The following S100P variants were observed in gnomAD, a reference collection of about 807,000 sequenced individuals.
S100P encodes the protein protein S100-P.
In S100P, 7 loss-of-function variants were observed where a neutral mutation model predicts 4.7. The ratio of observed to expected loss-of-function variants is 1.48; its 90% CI spans 0.84 to 2.77. The LOEUF (loss-of-function observed/expected upper bound fraction) is 2.77, where lower values mean the gene tolerates loss of function less well. Ranked by LOEUF, S100P falls within the 30% of genes most tolerant of loss-of-function variation. The pLI is 0.00. For synonymous variants in S100P, 48 were observed against 49.0 expected, an observed-to-expected ratio of 0.98 and a Z score of 0.08; for missense variants, 122 against 120.6, an observed-to-expected ratio of 1.01 and a Z score of -0.06.
chr4:6,696,417 T>C (rs1354496466), intron 1 of S100P, among the ~76,000 whole-genome samples: 2 of 152,184 alleles, frequency 1.3e-5, no homozygotes, highest in African/African-American at 4.8e-5. Context: ...ATCATCTTCA[T>C]CTGTAACAGG....
chr4:6,694,966 T>C (rs977115042), intron 1 of S100P, among the ~76,000 whole-genome samples: 4 of 135,750 alleles, frequency 2.9e-5, no homozygotes, highest in Admixed American at 1.5e-4. Context: ...TCTTTTCTTT[T>C]CTTTTTTTTT....
rs1401277336 is a variant in S100P at position 6,694,467 on chromosome 4, G to A, written c.138+397G>A. On this transcript the variant is annotated intron_variant, in intron 1 of 1. Coordinates refer to ENST00000296370, the MANE Select transcript of S100P (RefSeq NM_005980.3). The stretch of plus-strand genomic sequence containing the variant: ...CTCGGGGCTGTCCTCCAAGGCTGCC[G>A]GCCATAAACGCCCCAGCTCTGCCTC... 2.6e-5 allele frequency among the ~76,000 whole-genome samples: 4 copies of A among 152,188 alleles called. No homozygotes were observed. The East Asian group carries it at 5.8e-4, about 22-fold the overall frequency.
In S100P at chr4:6,693,943, T is replaced by C. The variant is rs1167297452; in HGVS notation, c.11T>C (p.Leu4Pro). MTE[L>P]ETAMGMIIDV... is the part of the protein sequence containing the mutation. ...TCTGAATCTAGCACCATGACGGAAC[T>C]AGAGACAGCCATGGGCATGATCATA... Residue 4 changes from leucine to proline, a missense_variant, in exon 1 of 2, where the codon CTA (leucine) becomes CCA (proline). By Grantham distance (98) the Leu-to-Pro change is moderately conservative. Coordinates refer to ENST00000296370, the MANE Select transcript of S100P (RefSeq NM_005980.3). 1.2e-6 allele frequency: 2 copies of C among 1,614,144 alleles called. No homozygotes were observed. Among genetic ancestry groups the C allele is most frequent in the Admixed American group, 3.3e-5 (2 of 60,024 alleles).
chr4:6,696,618 A>G (rs1714377374), intron 1 of S100P, among the ~76,000 whole-genome samples: 1 of 152,268 alleles, frequency 6.6e-6, no homozygotes, highest in Admixed American at 6.5e-5. Context: ...CCCCCGGCAA[A>G]AACTCAAAAT....
intron 1 of S100P, among the ~76,000 whole-genome samples, chr4:6,695,149 A>G (rs1167067266): frequency 6.6e-6 from 1 of 151,700 alleles, no homozygotes; most frequent in African/African-American, 2.4e-5. Context: ...TATTTTTTTT[A>G]GAGACAAGGT....
Position 6,694,050 on chromosome 4 carries a change from G to C in S100P, c.118G>C (p.Glu40Gln), listed in dbSNP as rs768130751. The C allele has an allele frequency of 1.9e-5, 31 of 1,612,346 alleles. No individual in the cohort carries two copies. Among genetic ancestry groups the C allele is most frequent in the South Asian group, 1.1e-5 (1 of 90,996 alleles). Residue 40 changes from glutamate (E) to glutamine (Q), a missense_variant, in exon 1 of 2, where the codon GAG (glutamate) becomes CAG (glutamine). Transcript: ENST00000296370. Reference protein sequence around the residue: ...KGELKVLMEKELPGFLQSGKD... With the variant: ...KGELKVLMEKQLPGFLQSGKD... ...GGAGCTCAAGGTGCTGATGGAGAAG[G>C]AGCTACCAGGCTTCCTGCAGGTGAG... is the stretch of plus-strand genomic sequence containing the variant.
intron 1 of S100P, among the ~76,000 whole-genome samples, chr4:6,695,843 C>T (rs1046601991): frequency 6.6e-6 from 1 of 152,356 alleles, no homozygotes; most frequent in Non-Finnish European, 1.5e-5. Context: ...CTATCTGCTC[C>T]GTGCCCAACC....
chr4:6,694,696 C>T (rs970611351), intron 1 of S100P, among the ~76,000 whole-genome samples: 2 of 152,204 alleles, frequency 1.3e-5, no homozygotes, highest in Non-Finnish European at 1.5e-5. Flanking sequence ...AGCTTCCTTC[C>T]GCCCGGGGCA....
At chr4:6,696,095 C>T (rs3822260) in intron 1 of S100P, among the ~76,000 whole-genome samples, 39,028 of 152,138 alleles carry the variant, frequency 0.26, 5,480 homozygotes, top group East Asian at 0.61. Flanking sequence ...AATTGTGTTT[C>T]TTTCCACCTG....
At chr4:6,696,763 G>A (rs1714380571) in intron 1 of S100P, 130 bp from the exon 2 acceptor site, 3 of 179,934 alleles carry the variant, frequency 1.7e-5, no homozygotes, top group East Asian at 1.5e-4. Flanking sequence ...ATGCACAGCT[G>A]GCCCTGGCCC....
Position 6,696,880 on chromosome 4 carries a change from C to G in S100P, c.139-13C>G. On this transcript the variant is annotated splice_polypyrimidine_tract_variant and intron_variant, in intron 1 of 1. Transcript: ENST00000296370. Reference sequence around the variant, plus strand: ...CACCCTCACTGCTGACCTTGAGCCTCTCTCTCCTCTAGAGTGGAAAAGACA... The same window carrying G: ...CACCCTCACTGCTGACCTTGAGCCTGTCTCTCCTCTAGAGTGGAAAAGACA... 6.2e-7 allele frequency: 1 copy of G among 1,609,232 alleles called. No homozygotes were observed. Among genetic ancestry groups the G allele is most frequent in the South Asian group, 1.1e-5 (1 of 90,654 alleles).
At chr4:6,696,320 T>C (rs1007230386) in intron 1 of S100P, among the ~76,000 whole-genome samples, 1 of 152,160 alleles carries the variant, frequency 6.6e-6, no homozygotes, top group Admixed American at 6.5e-5. Flanking sequence ...GCTTGCTCCA[T>C]GCTCGCTCCA....
At position 6,693,999 on chromosome 4, in the gene S100P, G is replaced by C. The variant is rs1464500955; in HGVS notation, c.67G>C (p.Gly23Arg). 6.2e-7 allele frequency: 1 copy of C among 1,614,110 alleles called. No individual in the cohort carries two copies. Among genetic ancestry groups the C allele is most frequent in the East Asian group, 2.2e-5 (1 of 44,880 alleles). ...DVFSRYSGSE[G>R]STQTLTKGEL... ...CTTTTCCCGATATTCGGGCAGCGAG[G>C]GCAGCACGCAGACCCTGACCAAGGG... The change falls in exon 1 of 2, where the codon GGC becomes CGC. Residue 23 changes from glycine (G) to arginine (R), a missense_variant. By Grantham distance (125) the Gly-to-Arg change is moderately radical (BLOSUM62 -2). Coordinates refer to ENST00000296370, the MANE Select transcript of S100P (RefSeq NM_005980.3).
intron 1 of S100P, among the ~76,000 whole-genome samples, chr4:6,695,439 T>C (rs4689034): frequency 0.36 from 54,770 of 152,184 alleles, 12,365 homozygotes; most frequent in Non-Finnish European, 0.5. Context: ...GTGAGTGAGA[T>C]TTACATGCAA....
At chr4:6,694,902 C>T (rs1714330135) in intron 1 of S100P, among the ~76,000 whole-genome samples, 1 of 152,070 alleles carries the variant, frequency 6.6e-6, no homozygotes, top group Admixed American at 6.6e-5. Context: ...CTGAAATTTT[C>T]AGCCCTAGAA....
intron 1 of S100P, 121 bp downstream of exon 1, chr4:6,694,191 C>A: frequency 1.0e-6 from 1 of 967,974 alleles, no homozygotes; most frequent in Non-Finnish European, 1.5e-6. Flanking sequence ...GCAAGAGGGA[C>A]AGATCCTGAA....
Position 6,693,912 on chromosome 4 carries a change from G to A in S100P, c.-21G>A. On this transcript the variant is annotated 5_prime_UTR_variant, in exon 1 of 2. Coordinates refer to ENST00000296370, the MANE Select transcript of S100P (RefSeq NM_005980.3). ...CGGCCCTGCCAGCCCCCAGGAGGAA[G>A]GTGGGTCTGAATCTAGCACCATGAC... The A allele has an allele frequency of 1.9e-6, 3 of 1,614,098 alleles. No homozygotes were observed. Among genetic ancestry groups the A allele is most frequent in the East Asian group, 2.2e-5 (1 of 44,886 alleles).
chr4:6,696,851 C>T (rs962830667), intron 1 of S100P, 42 bp from the exon 2 acceptor site: 1 of 1,585,352 alleles, frequency 6.3e-7, no homozygotes, highest in Non-Finnish European at 8.6e-7. Context: ...AGGCCCTGCA[C>T]AGGCACCCTC....
At chr4:6,695,739 C>T (rs1229070089) in intron 1 of S100P, among the ~76,000 whole-genome samples, 1 of 152,202 alleles carries the variant, frequency 6.6e-6, no homozygotes, top group Non-Finnish European at 1.5e-5. Flanking sequence ...CCCTTCTCAG[C>T]CCTCCCTCCG....
Sources: gnomAD v4.1 joint callset for allele counts (sites outside exome capture counted in the v4.1 genomes callset) on GRCh38, gnomAD v4.1.1 for gene constraint, MANE v1.5 for transcripts, NCBI Gene and HGNC (gene_info 2026-07-23, HGNC 2026-07-21) for gene names.